The following IL1RAPL2 variants were observed in gnomAD, a reference collection of about 807,000 sequenced individuals.
The protein encoded by IL1RAPL2 is X-linked interleukin-1 receptor accessory protein-like 2.
Under a neutral mutation model 44.1 loss-of-function variants are expected in IL1RAPL2, and 3 were observed. The observed-to-expected ratio is 0.07, with a 90% confidence interval of 0.03 to 0.18. The LOEUF (loss-of-function observed/expected upper bound fraction) is 0.18, where lower values mean the gene tolerates loss of function less well. Among genes scored for constraint, IL1RAPL2 ranks in the 10% least tolerant of loss-of-function variants. The pLI, the probability that IL1RAPL2 is intolerant of heterozygous loss-of-function variation, is 1.00. For synonymous variants in IL1RAPL2, 181 were observed against 178.8 expected, an observed-to-expected ratio of 1.01 and a Z score of -0.10; for missense variants, 391 against 496.4, an observed-to-expected ratio of 0.79 and a Z score of 2.02.
chrX:105,151,978 T>G (rs1363957564), intron 2 of IL1RAPL2, among the ~76,000 whole-genome samples: 1 of 110,593 alleles, frequency 9.0e-6, no homozygotes, highest in African/African-American at 3.3e-5. Context: ...AATGATACAA[T>G]GGACTTTGGG....
rs772136270 is a variant in IL1RAPL2, at chrX:104,853,827, C to T, written c.82+194832C>T. Among the ~76,000 whole-genome samples the T allele has an allele frequency of 2.9e-3, 295 of 103,492 alleles. 1 individual carries two copies. The highest frequency in any genetic ancestry group is 0.01 in the African/African-American group (289 of 27,995). 89.9% of individuals were successfully genotyped at this position (103,492 alleles called of 115,157 possible). A position where few individuals can be genotyped will look rare whatever the true frequency, so the allele number is the denominator to read the frequency against. On this transcript the variant is annotated intron_variant, in intron 2 of 10. Transcript: ENST00000372582. ...CTGAGGCAGGAGAATGGCGTGAACC[C>T]GGGAGGCGGAGCTTGCAGTGAGCCG...
chrX:104,700,759 A>G (rs1460738448), intron 2 of IL1RAPL2, among the ~76,000 whole-genome samples: 1 of 111,237 alleles, frequency 9.0e-6, no homozygotes, highest in East Asian at 2.9e-4. Context: ...TCCCTTGAAC[A>G]AGGGAATGGA....
intron 5 of IL1RAPL2, among the ~76,000 whole-genome samples, chrX:105,274,396 T>A (rs1272594604): frequency 3.6e-5 from 4 of 112,309 alleles, no homozygotes; most frequent in Non-Finnish European, 5.6e-5. Flanking sequence ...GCCCTACTAG[T>A]ATGATAATTT....
At chrX:105,766,902 C>G in intron 10 of IL1RAPL2, 62 bp from the exon 11 acceptor site, 1 of 852,446 alleles carries the variant, frequency 1.2e-6, no homozygotes, top group Non-Finnish European at 1.7e-6. Flanking sequence ...GTGTGCAAAC[C>G]TGATGCTTTA....
At chrX:104,886,594 C>G (rs1032343322) in intron 2 of IL1RAPL2, among the ~76,000 whole-genome samples, 5 of 112,192 alleles carry the variant, frequency 4.5e-5, no homozygotes, top group Admixed American at 2.8e-4. Flanking sequence ...ATCAGTGAGG[C>G]AGTAATTCCT....
chrX:105,306,069 C>T (rs1417685760), intron 5 of IL1RAPL2, among the ~76,000 whole-genome samples: 1 of 111,468 alleles, frequency 9.0e-6, no homozygotes, highest in Non-Finnish European at 1.9e-5. Flanking sequence ...ACAAGAAACA[C>T]CTAAATACCA....
intron 5 of IL1RAPL2, among the ~76,000 whole-genome samples, chrX:105,388,815 G>A (rs1406330289): frequency 9.0e-6 from 1 of 111,077 alleles, no homozygotes; most frequent in Non-Finnish European, 1.9e-5. Context: ...ATAGCATCTT[G>A]TTATCATTTT....
intron 2 of IL1RAPL2, among the ~76,000 whole-genome samples, chrX:105,016,818 G>A (rs1481890175): frequency 9.0e-6 from 1 of 111,346 alleles, no homozygotes; most frequent in South Asian, 3.7e-4. Flanking sequence ...TCAGGATGAT[G>A]CTGGCCTCAT....
chrX:105,347,293 G>A (rs368090045), intron 5 of IL1RAPL2, among the ~76,000 whole-genome samples: 4 of 111,292 alleles, frequency 3.6e-5, no homozygotes, highest in African/African-American at 6.5e-5. Flanking sequence ...AGAATTGGGC[G>A]TGATGCCTGA....
chrX:104,624,044 A>AT (rs1333890137), intron 1 of IL1RAPL2, among the ~76,000 whole-genome samples: 4 of 112,031 alleles, frequency 3.6e-5, no homozygotes, highest in Non-Finnish European at 7.5e-5. Flanking sequence ...ATGTGTATCC[A>AT]TCTCATCCCT....
In IL1RAPL2 at chrX:105,345,284, G is replaced by A. The variant is rs188570182; in HGVS notation, c.697+77743G>A. Among the ~76,000 whole-genome samples the A allele has an allele frequency of 6.3e-5, 7 of 111,571 alleles. No homozygotes were observed. The East Asian group carries it at 1.7e-3, about 27-fold the overall frequency. On this transcript the variant is annotated intron_variant, in intron 5 of 10. Coordinates refer to ENST00000372582, the MANE Select transcript of IL1RAPL2 (RefSeq NM_017416.2). ...CTACGTCGTATCTTTTTATTTCCCA[G>A]TATAAACAAATACGCATACTAGGGA...
intron 2 of IL1RAPL2, among the ~76,000 whole-genome samples, chrX:104,951,150 A>C (rs968926923): frequency 2.7e-5 from 3 of 111,350 alleles, no homozygotes; most frequent in African/African-American, 9.8e-5. Flanking sequence ...TGCGTCACTC[A>C]CGCTGGGAGC....
intron 1 of IL1RAPL2, 94 bp downstream of exon 1, chrX:104,567,145 A>G (rs1486152646): frequency 2.7e-5 from 3 of 113,109 alleles, no homozygotes; most frequent in African/African-American, 9.6e-5. Context: ...GCCGCAGCCA[A>G]TGGAGGCTTT....
intron 6 of IL1RAPL2, among the ~76,000 whole-genome samples, chrX:105,595,349 A>C (rs2037200618): frequency 1.8e-5 from 2 of 111,793 alleles, no homozygotes; most frequent in Non-Finnish European, 3.8e-5. Context: ...ATATTAAATA[A>C]GAATTTTACC....
Position 105,626,697 on chromosome X carries a change from A to G in IL1RAPL2, c.773-90670A>G, listed in dbSNP as rs369912686. On this transcript the variant is annotated intron_variant, in intron 6 of 10. Coordinates refer to ENST00000372582, the MANE Select transcript of IL1RAPL2 (RefSeq NM_017416.2). ...TGAAGTCTGGGATTTTAGTGTAACCATCACCCAAATAGTGTACATCGTAAA... is the reference window on the plus strand; with the variant it reads ...TGAAGTCTGGGATTTTAGTGTAACCGTCACCCAAATAGTGTACATCGTAAA... Among the ~76,000 whole-genome samples, 32 of 111,922 alleles carry G rather than the reference A, an allele frequency of 2.9e-4. No individual in the cohort carries two copies. The East Asian group carries it at 7.6e-3, about 27-fold the overall frequency.
chrX:104,885,921 C>T (rs1172318991), intron 2 of IL1RAPL2, among the ~76,000 whole-genome samples: 1 of 113,247 alleles, frequency 8.8e-6, no homozygotes, highest in Non-Finnish European at 1.9e-5. Flanking sequence ...AAGCCCCCAA[C>T]CAGATGATCC....
chrX:104,905,714 G>C (rs1923971524), intron 2 of IL1RAPL2, among the ~76,000 whole-genome samples: 1 of 111,337 alleles, frequency 9.0e-6, no homozygotes, highest in Non-Finnish European at 1.9e-5. Flanking sequence ...TAGCCTTGTA[G>C]TATAGTTTGA....
At chrX:105,068,715 G>C (rs1988856567) in intron 2 of IL1RAPL2, among the ~76,000 whole-genome samples, 1 of 111,717 alleles carries the variant, frequency 9.0e-6, no homozygotes, top group South Asian at 3.7e-4. Flanking sequence ...GATTGTACCA[G>C]AAGTAGTGTT....
rs1419525646 is a variant in IL1RAPL2, at chrX:104,732,901, A to G, written c.82+73906A>G. On this transcript the variant is annotated intron_variant, in intron 2 of 10. Coordinates refer to ENST00000372582, the MANE Select transcript of IL1RAPL2 (RefSeq NM_017416.2). Reference sequence around the variant, plus strand: ...CAATATCAGCAGGTTAAATCCATTAATAAGTTTTATTAATGAAATACTGCC... The same window carrying G: ...CAATATCAGCAGGTTAAATCCATTAGTAAGTTTTATTAATGAAATACTGCC... Among the ~76,000 whole-genome samples the G allele has an allele frequency of 3.6e-5, 4 of 111,820 alleles. No homozygotes were observed. In the Admixed American group the frequency reaches 3.8e-4, roughly 11 times the overall value.
Sources: allele counts gnomAD v4.1 joint callset (sites outside exome capture counted in the v4.1 genomes callset), GRCh38; gene constraint gnomAD v4.1.1; transcripts MANE v1.5; gene names NCBI Gene and HGNC (gene_info 2026-07-23, HGNC 2026-07-21).